The following TAFA1 variants were observed in gnomAD, a reference collection of about 807,000 sequenced individuals.
TAFA1 encodes the protein chemokine-like protein TAFA-1.
A neutral mutation model predicts 18.5 loss-of-function variants in TAFA1; 4 were observed. The observed-to-expected ratio is 0.22, with a 90% CI of 0.11 to 0.49. The LOEUF (loss-of-function observed/expected upper bound fraction) is 0.49. Among genes scored for constraint, TAFA1 ranks in the 20% least tolerant of loss-of-function variants. TAFA1 has a pLI of 0.98. For missense variants in TAFA1, 147 were observed against 169.0 expected (o/e 0.87, Z 0.72); for synonymous variants, 56 against 55.2 (o/e 1.01, Z -0.06).
chr3:68,198,449 C>G (rs189527227), intron 2 of TAFA1, among the ~76,000 whole-genome samples: 1 of 151,748 alleles, frequency 6.6e-6, no homozygotes, highest in African/African-American at 2.4e-5. Context: ...AACCACCAAA[C>G]AGTCTTCAAA....
chr3:68,070,954 A>G (rs9847108), intron 2 of TAFA1, among the ~76,000 whole-genome samples: 1 of 152,234 alleles, frequency 6.6e-6, no homozygotes, highest in Non-Finnish European at 1.5e-5. Context: ...ACAAGTCTCT[A>G]GGGAGTTCCA....
chr3:68,345,173 C>T (rs1482387378), intron 2 of TAFA1, among the ~76,000 whole-genome samples: 1 of 152,184 alleles, frequency 6.6e-6, no homozygotes, highest in African/African-American at 2.4e-5. Flanking sequence ...ACCAGACCAA[C>T]TGTGAACCTC....
chr3:68,324,478 G>A (rs2068745719), intron 2 of TAFA1, among the ~76,000 whole-genome samples: 1 of 152,162 alleles, frequency 6.6e-6, no homozygotes, highest in African/African-American at 2.4e-5. Context: ...AGAGAGGGAG[G>A]GAGCACACCT....
chr3:68,103,795 A>G (rs2065175325), intron 2 of TAFA1, among the ~76,000 whole-genome samples: 1 of 152,160 alleles, frequency 6.6e-6, no homozygotes, highest in Non-Finnish European at 1.5e-5. Context: ...TACATGAATC[A>G]CAACCTTCAG....
intron 2 of TAFA1, among the ~76,000 whole-genome samples, chr3:68,393,991 A>G (rs545554011): frequency 6.6e-6 from 1 of 151,934 alleles, no homozygotes; most frequent in Non-Finnish European, 1.5e-5. Context: ...CCTATTCAAC[A>G]TAGTATTGGA....
At chr3:68,116,091 C>G (rs1306268132) in intron 2 of TAFA1, among the ~76,000 whole-genome samples, 1 of 152,030 alleles carries the variant, frequency 6.6e-6, no homozygotes, top group Non-Finnish European at 1.5e-5. Context: ...CCCGTCTCTA[C>G]TAAAAATACA....
At chr3:68,498,888 G>C (rs2072604091) in intron 3 of TAFA1, among the ~76,000 whole-genome samples, 1 of 151,938 alleles carries the variant, frequency 6.6e-6, no homozygotes, top group Non-Finnish European at 1.5e-5. Context: ...ATGAGTAAAG[G>C]AGATATATTT....
chr3:68,178,680 G>A (rs2066157483), intron 2 of TAFA1, among the ~76,000 whole-genome samples: 1 of 152,246 alleles, frequency 6.6e-6, no homozygotes, highest in Non-Finnish European at 1.5e-5. Context: ...GGATCTGAAA[G>A]ACAGCTACTT....
intron 2 of TAFA1, among the ~76,000 whole-genome samples, chr3:68,282,443 A>C (rs1163061572): frequency 6.6e-6 from 1 of 152,138 alleles, no homozygotes; most frequent in Non-Finnish European, 1.5e-5. Flanking sequence ...TCTAAGTAAC[A>C]GTAAAACACA....
intron 2 of TAFA1, among the ~76,000 whole-genome samples, chr3:68,401,297 C>T (rs1243171411): frequency 6.6e-6 from 1 of 152,098 alleles, no homozygotes; most frequent in African/African-American, 2.4e-5. Flanking sequence ...TTACAGAGTT[C>T]TTCTTGTAAC....
intron 3 of TAFA1, among the ~76,000 whole-genome samples, chr3:68,512,489 A>G (rs1434929151): frequency 6.6e-6 from 1 of 152,278 alleles, no homozygotes; most frequent in East Asian, 1.9e-4. Flanking sequence ...ATTGAAGTTC[A>G]TGCAATGGCC....
intron 3 of TAFA1, among the ~76,000 whole-genome samples, chr3:68,519,749 C>T (rs989844615): frequency 2.0e-5 from 3 of 152,150 alleles, no homozygotes; most frequent in Admixed American, 6.5e-5. Flanking sequence ...AGTGAGGTTT[C>T]TGGGGGACCC....
chr3:68,246,417 C>T lies in TAFA1; in HGVS notation c.119-170863C>T, dbSNP rs1221118335. 3.3e-5 allele frequency among the ~76,000 whole-genome samples: 5 copies of T among 151,258 alleles called. No homozygotes were observed. The East Asian group carries it at 7.8e-4, about 24-fold the overall frequency. On this transcript the variant is annotated intron_variant, in intron 2 of 4. Coordinates refer to ENST00000478136, the MANE Select transcript of TAFA1 (RefSeq NM_213609.4). ...CATCCTGGCTAACACGGTGAAACCCCGTCTCTACTAAAAATACAAAAAATT... is the reference window on the plus strand; with the variant it reads ...CATCCTGGCTAACACGGTGAAACCCTGTCTCTACTAAAAATACAAAAAATT...
intron 2 of TAFA1, among the ~76,000 whole-genome samples, chr3:68,177,167 G>C (rs573776839): frequency 1.3e-5 from 2 of 152,244 alleles, no homozygotes; most frequent in South Asian, 4.2e-4. Flanking sequence ...GGCAGAATTG[G>C]TAACATATTT....
intron 2 of TAFA1, among the ~76,000 whole-genome samples, chr3:68,075,610 G>A (rs1009539900): frequency 6.6e-6 from 1 of 151,882 alleles, no homozygotes; most frequent in Non-Finnish European, 1.5e-5. Context: ...AATTTCCCAA[G>A]TGTCTCAAGT....
chr3:68,103,513 T>TG (rs1419888918), intron 2 of TAFA1, among the ~76,000 whole-genome samples: 4 of 152,206 alleles, frequency 2.6e-5, no homozygotes, highest in Admixed American at 6.6e-5. Flanking sequence ...TTAACATATT[T>TG]GCATGCATTT....
At chr3:68,189,761 T>C (rs1436513390) in intron 2 of TAFA1, among the ~76,000 whole-genome samples, 3 of 151,984 alleles carry the variant, frequency 2.0e-5, no homozygotes, top group South Asian at 2.1e-4. Flanking sequence ...ACCTTCCTCA[T>C]AGGCTGCTTC....
At chr3:68,059,745 G>T (rs2064578500) in intron 2 of TAFA1, among the ~76,000 whole-genome samples, 1 of 152,162 alleles carries the variant, frequency 6.6e-6, no homozygotes, top group Admixed American at 6.6e-5. Flanking sequence ...CTAGCTAAAT[G>T]AATTAAAGAA....
At chr3:68,236,937 C>T (rs909141361) in intron 2 of TAFA1, among the ~76,000 whole-genome samples, 13 of 152,124 alleles carry the variant, frequency 8.5e-5, no homozygotes, top group African/African-American at 1.2e-4. Flanking sequence ...GGGGCTTCAA[C>T]AAAGATCTCA....
Sources: gnomAD v4.1 joint callset for allele counts (sites outside exome capture counted in the v4.1 genomes callset) on GRCh38, gnomAD v4.1.1 for gene constraint, MANE v1.5 for transcripts, NCBI Gene and HGNC (gene_info 2026-07-23, HGNC 2026-07-21) for gene names.